SQOR: variants seen among roughly 807,000 people sequenced by gnomAD.
SQOR encodes the protein sulfide:quinone oxidoreductase, mitochondrial.
A neutral mutation model predicts 48.6 loss-of-function variants in SQOR; 39 were observed. The ratio of observed to expected loss-of-function variants is 0.80; its 90% CI spans 0.62 to 1.05. The LOEUF is 1.05. Ranked by LOEUF, SQOR falls within the 50% of genes least tolerant of loss-of-function variation. SQOR has a pLI of 0.00. For missense variants in SQOR, 561 were observed against 559.9 expected (o/e 1.00, Z -0.02); for synonymous variants, 220 against 206.2 (o/e 1.07, Z -0.57).
intron 1 of SQOR, among the ~76,000 whole-genome samples, chr15:45,644,863 A>C (rs1462115403): frequency 6.6e-6 from 1 of 152,180 alleles, no homozygotes; most frequent in East Asian, 1.9e-4. Context: ...TTGCAGGGTT[A>C]AAGCCAAATA....
At chr15:45,688,254 T>C in intron 7 of SQOR, 83 bp from the exon 8 acceptor site, 11 of 948,408 alleles carry the variant, frequency 1.2e-5, no homozygotes, top group Non-Finnish European at 1.8e-5. Flanking sequence ...AATCTTCTTG[T>C]TTACATTAAA....
chr15:45,673,533 G>T, intron 4 of SQOR, 74 bp from the exon 5 acceptor site: 1 of 1,473,680 alleles, frequency 6.8e-7, no homozygotes, highest in South Asian at 1.3e-5. Flanking sequence ...AAAGGTTGTA[G>T]AAATGGCAAA....
chr15:45,671,917 C>T (rs1889952149), intron 4 of SQOR, among the ~76,000 whole-genome samples: 1 of 152,184 alleles, frequency 6.6e-6, no homozygotes, highest in Non-Finnish European at 1.5e-5. Context: ...CCCTGACTCT[C>T]CCTTTCCCTC....
At chr15:45,659,482 T>C (rs1379608271) in intron 2 of SQOR, among the ~76,000 whole-genome samples, 1 of 152,164 alleles carries the variant, frequency 6.6e-6, no homozygotes, top group Non-Finnish European at 1.5e-5. Flanking sequence ...GCTAGAAGCC[T>C]GAAACCAAGC....
chr15:45,677,729 C>T (rs2140958642), intron 6 of SQOR, among the ~76,000 whole-genome samples: 1 of 152,310 alleles, frequency 6.6e-6, no homozygotes, highest in Non-Finnish European at 1.5e-5. Context: ...GAGACGAAGT[C>T]TCGCTGTGTT....
In SQOR at chr15:45,651,338, G is replaced by A. The variant is rs1005550915; in HGVS notation, c.-17-7569G>A. On this transcript the variant is annotated intron_variant, in intron 1 of 9. Transcript: ENST00000260324. ...GAGCCCACGCCCACCCAGAACTCGT[G>A]CTGGCCCGCGAGCGTCGCTGGCAGC... is the stretch of plus-strand genomic sequence containing the variant. Among the ~76,000 whole-genome samples the A allele has an allele frequency of 4.6e-5, 7 of 152,162 alleles. 1 individual carries two copies. Among genetic ancestry groups the A allele is most frequent in the Admixed American group, 4.6e-4 (7 of 15,286 alleles).
At chr15:45,690,619 A>G (rs1236815999) in intron 9 of SQOR, among the ~76,000 whole-genome samples, 1 of 152,190 alleles carries the variant, frequency 6.6e-6, no homozygotes, top group Non-Finnish European at 1.5e-5. Flanking sequence ...CCCAACAGCA[A>G]AGAATTATCT....
In SQOR at chr15:45,679,594, G is replaced by A. The variant is rs573868981; in HGVS notation, c.865-2884G>A. Among the ~76,000 whole-genome samples, 4 of 152,224 alleles carry A rather than the reference G, an allele frequency of 2.6e-5. No individual in the cohort carries two copies. The East Asian group carries it at 7.7e-4, about 29-fold the overall frequency. ...CAGGAGCCTGTAATCCCAGCTACTTGGGAGGCTGAGGCAGAGAATTGCTTG... is the reference window on the plus strand; with the variant it reads ...CAGGAGCCTGTAATCCCAGCTACTTAGGAGGCTGAGGCAGAGAATTGCTTG... On this transcript the variant is annotated intron_variant, in intron 6 of 9. Coordinates refer to ENST00000260324, the MANE Select transcript of SQOR (RefSeq NM_021199.4).
intron 1 of SQOR, among the ~76,000 whole-genome samples, chr15:45,646,620 A>T (rs1331329068): frequency 6.6e-6 from 1 of 152,228 alleles, no homozygotes. Context: ...GTGACTAAAG[A>T]GCAAAACCAG....
chr15:45,656,819 T>C (rs1478665128), intron 1 of SQOR, among the ~76,000 whole-genome samples: 1 of 152,160 alleles, frequency 6.6e-6, no homozygotes, highest in Non-Finnish European at 1.5e-5. Flanking sequence ...TTTATTGTTT[T>C]TTTCAGACAG....
At chr15:45,661,894 G>C in intron 2 of SQOR, 61 bp from the exon 3 acceptor site, 1 of 1,520,760 alleles carries the variant, frequency 6.6e-7, no homozygotes, top group Non-Finnish European at 8.9e-7. Context: ...CATACTGTTA[G>C]CTATGACCCC....
At chr15:45,688,463 T>G in intron 8 of SQOR, 59 bp downstream of exon 8, 1 of 1,308,248 alleles carries the variant, frequency 7.6e-7, no homozygotes, top group Non-Finnish European at 1.1e-6. Flanking sequence ...TGTGTAAAAG[T>G]AGTGTTTTCC....
At chr15:45,669,713 C>T (rs1249007445) in intron 3 of SQOR, among the ~76,000 whole-genome samples, 2 of 152,070 alleles carry the variant, frequency 1.3e-5, no homozygotes, top group African/African-American at 2.4e-5. Context: ...GCCAGTCTGC[C>T]CACCTCCCCC....
chr15:45,650,548 A>G (rs371877638), intron 1 of SQOR, among the ~76,000 whole-genome samples: 2 of 150,274 alleles, frequency 1.3e-5, no homozygotes, highest in South Asian at 2.1e-4. Context: ...GAAAGCATCC[A>G]CAACACGAAA....
chr15:45,647,121 CG>C (rs1040443724), intron 1 of SQOR, among the ~76,000 whole-genome samples: 7 of 151,746 alleles, frequency 4.6e-5, no homozygotes, highest in African/African-American at 1.7e-4. Context: ...TTGTGGTGGG[CG>C]CCTGTAATCC....
At chr15:45,668,957 T>C (rs1889888618) in intron 3 of SQOR, among the ~76,000 whole-genome samples, 1 of 152,026 alleles carries the variant, frequency 6.6e-6, no homozygotes, top group Non-Finnish European at 1.5e-5. Flanking sequence ...TTTCATCCCA[T>C]ACAGGTCATT....
chr15:45,670,009 C>T (rs372263211), intron 4 of SQOR, 28 bp downstream of exon 4: 11 of 1,608,502 alleles, frequency 6.8e-6, no homozygotes, highest in Admixed American at 1.7e-5. Context: ...TTCTGTGTTA[C>T]GCTGGCTTAT....
At chr15:45,659,665 G>A (rs1889685858) in intron 2 of SQOR, among the ~76,000 whole-genome samples, 1 of 152,170 alleles carries the variant, frequency 6.6e-6, no homozygotes, top group African/African-American at 2.4e-5. Context: ...TTCTCTGTGT[G>A]TCTCTGTGTC....
intron 1 of SQOR, among the ~76,000 whole-genome samples, chr15:45,639,638 T>G (rs1290422161): frequency 2.0e-5 from 3 of 152,258 alleles, no homozygotes; most frequent in African/African-American, 7.2e-5. Flanking sequence ...CTTTGGCTAT[T>G]TGTTCTAAGG....
Sources: gnomAD v4.1 joint callset for allele counts (sites outside exome capture counted in the v4.1 genomes callset) on GRCh38, gnomAD v4.1.1 for gene constraint, MANE v1.5 for transcripts, NCBI Gene and HGNC (gene_info 2026-07-23, HGNC 2026-07-21) for gene names.